The following CAMK4 variants were observed in gnomAD, a reference collection of about 807,000 sequenced individuals.
CAMK4 encodes the protein calcium/calmodulin-dependent protein kinase type IV.
Under a neutral mutation model 44.9 loss-of-function variants are expected in CAMK4, and 22 were observed. The ratio of observed to expected loss-of-function variants is 0.49; its 90% confidence interval spans 0.35 to 0.70. The LOEUF (loss-of-function observed/expected upper bound fraction) is 0.70, where lower values mean the gene tolerates loss of function less well. Among genes scored for constraint, CAMK4 ranks in the 30% least tolerant of loss-of-function variants. The pLI, the probability that CAMK4 is intolerant of heterozygous loss-of-function variation, is 0.01. For synonymous variants in CAMK4, 218 were observed against 215.4 expected (o/e 1.01, Z -0.11); for missense variants, 498 against 586.8 (o/e 0.85, Z 1.56).
chr5:111,432,677 T>TATAC (rs2112942800), intron 5 of CAMK4, among the ~76,000 whole-genome samples: 2 of 148,028 alleles, frequency 1.4e-5, no homozygotes, highest in African/African-American at 5.0e-5. Context: ...TATATATATA[T>TATAC]ATATACATTT....
intron 1 of CAMK4, among the ~76,000 whole-genome samples, chr5:111,231,173 CAG>C (rs1200863168): frequency 6.6e-6 from 1 of 152,100 alleles, no homozygotes; most frequent in African/African-American, 2.4e-5. Flanking sequence ...TACAGTTTGT[CAG>C]AGATTTTCCT....
chr5:111,359,056 A>G (rs567086678), intron 2 of CAMK4, among the ~76,000 whole-genome samples: 1 of 152,270 alleles, frequency 6.6e-6, no homozygotes, highest in Admixed American at 6.5e-5. Context: ...ATGTATCTTT[A>G]TAACAGAATG....
In CAMK4 at chr5:111,255,515, G is replaced by C. The variant is rs140415410; in HGVS notation, c.161+30871G>C. On this transcript the variant is annotated intron_variant, in intron 1 of 10. Transcript: ENST00000282356. ...TTATCTTTGCTGACAACTTCAGCTA[G>C]GTCAGAGTTTGTGTAAATTCAGTGA... 3.6e-3 allele frequency among the ~76,000 whole-genome samples: 543 copies of C among 152,258 alleles called. 4 individuals are homozygous for C. Among genetic ancestry groups the C allele is most frequent in the African/African-American group, 0.012 (506 of 41,540 alleles).
At position 111,446,747 on chromosome 5, in the gene CAMK4, C is replaced by T; in HGVS notation, c.521C>T (p.Thr174Ile). ...DLKPENLLYA[T>I]PAPDAPLKIA... is the part of the protein sequence containing the mutation. Reference sequence around the variant, plus strand: ...AAACCAGAGAATCTTCTTTATGCAACTCCAGCCCCAGATGCACCACTCAAA... The same window carrying T: ...AAACCAGAGAATCTTCTTTATGCAATTCCAGCCCCAGATGCACCACTCAAA... The change falls in exon 6 of 11, where the codon ACT (threonine) becomes ATT (isoleucine). Residue 174 changes from threonine to isoleucine, a missense_variant. Thr to Ile is a moderately conservative substitution (Grantham distance 89). Coordinates refer to ENST00000282356, the MANE Select transcript of CAMK4 (RefSeq NM_001744.6). 4 of 1,609,142 alleles carry T rather than the reference C, an allele frequency of 2.5e-6. 1 individual carries two copies. In the South Asian group the frequency reaches 4.4e-5, roughly 18 times the overall value.
chr5:111,437,285 TAAC>T (rs1278665361), intron 5 of CAMK4, among the ~76,000 whole-genome samples: 1 of 152,232 alleles, frequency 6.6e-6, no homozygotes, highest in African/African-American at 2.4e-5. Context: ...TACAAATGAA[TAAC>T]AACAAATGAA....
chr5:111,452,308 A>T (rs1367525818), intron 7 of CAMK4, among the ~76,000 whole-genome samples: 1 of 152,236 alleles, frequency 6.6e-6, no homozygotes, highest in African/African-American at 2.4e-5. Flanking sequence ...CCATGTGTTT[A>T]AAGAATCTAT....
chr5:111,413,452 C>A (rs1561471626), intron 5 of CAMK4, among the ~76,000 whole-genome samples: 1 of 151,966 alleles, frequency 6.6e-6, no homozygotes, highest in Non-Finnish European at 1.5e-5. Flanking sequence ...TGATGTGCAC[C>A]TGCAGTTCCA....
At position 111,485,710 on chromosome 5, in the gene CAMK4, C is replaced by G. The variant is rs1207020123; in HGVS notation, c.*1244C>G. On this transcript the variant is annotated 3_prime_UTR_variant, in exon 11 of 11. Coordinates refer to ENST00000282356, the MANE Select transcript of CAMK4 (RefSeq NM_001744.6). ...CAATTTATTTACCTTAAAAAACAAA[C>G]AAAAACAAAAATAAAGAAAAATACT... The G allele has an allele frequency of 6.6e-6, 1 of 151,948 alleles. No individual in the cohort carries two copies. Among genetic ancestry groups the G allele is most frequent in the African/African-American group, 2.4e-5 (1 of 41,384 alleles). 9.4% of individuals were successfully genotyped at this position (151,948 alleles called of 1,614,324 possible). A position where few individuals can be genotyped will look rare whatever the true frequency, so the allele number is the denominator to read the frequency against.
chr5:111,314,075 A>G (rs1203087413), intron 1 of CAMK4, among the ~76,000 whole-genome samples: 1 of 152,074 alleles, frequency 6.6e-6, no homozygotes, highest in Admixed American at 6.6e-5. Context: ...CAAAAGTGTA[A>G]TAGGAAGTAA....
At chr5:111,321,006 C>T (rs912961702) in intron 1 of CAMK4, among the ~76,000 whole-genome samples, 7 of 152,134 alleles carry the variant, frequency 4.6e-5, no homozygotes, top group African/African-American at 1.7e-4. Flanking sequence ...TAATTATGGA[C>T]TCCTAACCAC....
intron 5 of CAMK4, among the ~76,000 whole-genome samples, chr5:111,429,132 T>C (rs1419667475): frequency 6.6e-6 from 1 of 151,378 alleles, no homozygotes; most frequent in Non-Finnish European, 1.5e-5. Flanking sequence ...AGAAAAGTAA[T>C]AAATATCAGA....
At chr5:111,395,272 G>A (rs1166130272) in intron 5 of CAMK4, among the ~76,000 whole-genome samples, 3 of 150,904 alleles carry the variant, frequency 2.0e-5, no homozygotes, top group Admixed American at 2.0e-4. Context: ...GAAAATGTAT[G>A]GAATAAATTT....
At chr5:111,473,468 C>G in intron 8 of CAMK4, 82 bp downstream of exon 8, 1 of 879,048 alleles carries the variant, frequency 1.1e-6, no homozygotes, top group Non-Finnish European at 1.8e-6. Context: ...TCATAAAAAC[C>G]ATAAAGATTA....
chr5:111,382,087 C>T (rs888717213), intron 4 of CAMK4, among the ~76,000 whole-genome samples: 2 of 152,092 alleles, frequency 1.3e-5, no homozygotes, highest in Non-Finnish European at 2.9e-5. Flanking sequence ...ATGGAAAATC[C>T]ATGATGTATT....
intron 5 of CAMK4, among the ~76,000 whole-genome samples, chr5:111,428,278 A>G (rs1753304023): frequency 6.6e-6 from 1 of 152,258 alleles, no homozygotes; most frequent in South Asian, 2.1e-4. Context: ...AAATAAGTCC[A>G]CACGGTGACA....
intron 5 of CAMK4, among the ~76,000 whole-genome samples, chr5:111,427,728 A>T (rs1385709341): frequency 6.6e-6 from 1 of 152,212 alleles, no homozygotes; most frequent in Non-Finnish European, 1.5e-5. Flanking sequence ...ATACAACAGA[A>T]TACCAGGTAG....
At chr5:111,435,664 A>G (rs778068111) in intron 5 of CAMK4, among the ~76,000 whole-genome samples, 1 of 152,154 alleles carries the variant, frequency 6.6e-6, no homozygotes, top group Non-Finnish European at 1.5e-5. Context: ...CTTCTTTCCC[A>G]TTACAAAAAT....
At chr5:111,395,870 G>T (rs1453830944) in intron 5 of CAMK4, among the ~76,000 whole-genome samples, 1 of 152,082 alleles carries the variant, frequency 6.6e-6, no homozygotes, top group Non-Finnish European at 1.5e-5. Flanking sequence ...CCAGGGAGGG[G>T]TATTTATCAG....
chr5:111,321,238 C>T (rs1748649703), intron 1 of CAMK4, among the ~76,000 whole-genome samples: 1 of 152,130 alleles, frequency 6.6e-6, no homozygotes, highest in Non-Finnish European at 1.5e-5. Flanking sequence ...AGTTGCTGCT[C>T]AGGTCTCACC....
Sources: allele counts gnomAD v4.1 joint callset (sites outside exome capture counted in the v4.1 genomes callset), GRCh38; gene constraint gnomAD v4.1.1; transcripts MANE v1.5; gene names NCBI Gene and HGNC (gene_info 2026-07-23, HGNC 2026-07-21).